Variants in MYLK observed in about 807,000 individuals in gnomAD.
MYLK encodes the protein myosin light chain kinase.
A neutral mutation model predicts 203.4 loss-of-function variants in MYLK; 106 were observed. That is an observed-to-expected ratio of 0.52 (90% CI 0.45 to 0.61). The LOEUF is 0.61. Among genes scored for constraint, MYLK ranks in the 20% least tolerant of loss-of-function variants. MYLK has a pLI of 0.00. For missense variants in MYLK, 2,072 were observed against 2,442.3 expected, an observed-to-expected ratio of 0.85 and a Z score of 3.20; for synonymous variants, 867 against 959.5, an observed-to-expected ratio of 0.90 and a Z score of 1.78.
At chr3:123,739,316 C>A (rs1038180234) in intron 6 of MYLK, among the ~76,000 whole-genome samples, 1 of 152,230 alleles carries the variant, frequency 6.6e-6, no homozygotes, top group South Asian at 2.1e-4. Flanking sequence ...GCCTGAATTC[C>A]ACTGAGCCCT....
At chr3:123,741,271 A>G (rs1386422720) in intron 5 of MYLK, among the ~76,000 whole-genome samples, 1 of 152,204 alleles carries the variant, frequency 6.6e-6, no homozygotes, top group Non-Finnish European at 1.5e-5. Flanking sequence ...ACCCGGTTTA[A>G]GATTCCACCA....
At chr3:123,818,395 C>G (rs1435096015) in intron 3 of MYLK, among the ~76,000 whole-genome samples, 1 of 152,128 alleles carries the variant, frequency 6.6e-6, no homozygotes, top group Non-Finnish European at 1.5e-5. Context: ...TGCTATGACT[C>G]TGAGGAATGA....
chr3:123,682,667 C>T (rs1361002496), intron 19 of MYLK, among the ~76,000 whole-genome samples: 5 of 152,216 alleles, frequency 3.3e-5, no homozygotes, highest in Non-Finnish European at 2.9e-5. Flanking sequence ...GGCCTTGTCT[C>T]CCTCATGCTA....
At chr3:123,663,723 T>C (rs2059642059) in intron 23 of MYLK, among the ~76,000 whole-genome samples, 1 of 152,032 alleles carries the variant, frequency 6.6e-6, no homozygotes, top group Admixed American at 6.5e-5. Context: ...GGAGTCAGGA[T>C]GGGGACAGAT....
chr3:123,629,479 ATCTT>A lies in MYLK; in HGVS notation c.5105_5108del (p.Lys1702IlefsTer2). On this transcript the variant is annotated frameshift_variant, in exon 30 of 34. Transcript: ENST00000360304. LOFTEE classifies it high-confidence loss of function. The surrounding 1 kb of genome is among the most constrained non-coding windows in gnomAD (Gnocchi z 4.4). ...CTGAAATCCCAACTCATTACTTCAT[ATCTT>A]TCTTCAGCAGATTGCTGATGAAATC... 6.2e-7 allele frequency: 1 copy of A among 1,614,130 alleles called. No individual in the cohort carries two copies. Among genetic ancestry groups the A allele is most frequent in the Non-Finnish European group, 8.5e-7 (1 of 1,180,006 alleles).
rs1473632768 is a variant in MYLK, at chr3:123,740,004, G to T, written c.374-3C>A. The T allele has an allele frequency of 1.2e-6, 2 of 1,613,800 alleles. No homozygotes were observed. The highest frequency in any genetic ancestry group is 1.7e-6 in the Non-Finnish European group (2 of 1,179,750). ...ACCAAGCTGCTTCGCAAAACTTCCTGCAAGAAAAAGAGTTGATGAGTCAGG... is the reference window on the plus strand; with the variant it reads ...ACCAAGCTGCTTCGCAAAACTTCCTTCAAGAAAAAGAGTTGATGAGTCAGG... On this transcript the variant is annotated splice_region_variant and splice_polypyrimidine_tract_variant and intron_variant, in intron 5 of 33. Coordinates refer to ENST00000360304, the MANE Select transcript of MYLK (RefSeq NM_053025.4).
intron 30 of MYLK, among the ~76,000 whole-genome samples, chr3:123,628,914 C>T (rs527977201): frequency 1.1e-4 from 16 of 152,336 alleles, no homozygotes; most frequent in Admixed American, 1.0e-3. Context: ...GGTCTGGGAT[C>T]ATAGCCTCCC....
At chr3:123,644,521 C>T (rs2058946065) in intron 27 of MYLK, 1 of 152,300 alleles carries the variant, frequency 6.6e-6, no homozygotes, top group African/African-American at 2.4e-5. Flanking sequence ...ACTCCCAATT[C>T]CAAGCTAAGT....
At chr3:123,618,994 T>A (rs2057685739) in intron 32 of MYLK, among the ~76,000 whole-genome samples, 1 of 152,054 alleles carries the variant, frequency 6.6e-6, no homozygotes, top group African/African-American at 2.4e-5. Flanking sequence ...AGGATCAGAC[T>A]CCCCCTTCCC....
intron 11 of MYLK, among the ~76,000 whole-genome samples, chr3:123,731,990 CTTTTT>C (rs59910858): frequency 1.4e-4 from 17 of 124,778 alleles, no homozygotes; most frequent in Non-Finnish European, 2.3e-4. Flanking sequence ...TATAGGTTGT[CTTTTT>C]TTTTTTTTTT....
rs1176314574 is a variant in MYLK at position 123,614,222 on chromosome 3, G to A, written c.5628C>T (p.Asp1876=). ...CAGCCTTGCAGGTGTACTTGGCATC[G>A]TCATCCCCGCAAACATCACTAATAA... is the stretch of plus-strand genomic sequence containing the variant. ...SLIISDVCGD[D]DAKYTCKAVN... is the part of the protein sequence containing the mutation. The change falls in exon 34 of 34, where the codon GAC becomes GAT. Residue 1876 remains aspartate, a synonymous_variant. Transcript: ENST00000360304. The A allele has an allele frequency of 5.6e-6, 9 of 1,613,782 alleles. No homozygotes were observed. Among genetic ancestry groups the A allele is most frequent in the Middle Eastern group, 1.6e-4 (1 of 6,084 alleles).
At chr3:123,685,962 T>C (rs1396339039) in intron 19 of MYLK, among the ~76,000 whole-genome samples, 1 of 152,132 alleles carries the variant, frequency 6.6e-6, no homozygotes, top group Non-Finnish European at 1.5e-5. Flanking sequence ...CCACTTGAAG[T>C]GTCAGCACGG....
intron 3 of MYLK, among the ~76,000 whole-genome samples, chr3:123,818,656 C>T (rs2065824866): frequency 1.3e-5 from 2 of 152,140 alleles, no homozygotes; most frequent in Non-Finnish European, 2.9e-5. Flanking sequence ...CACCTCTGCA[C>T]TCCAGCCTGA....
intron 4 of MYLK, among the ~76,000 whole-genome samples, chr3:123,767,688 C>G (rs2063750273): frequency 6.6e-6 from 1 of 152,200 alleles, no homozygotes; most frequent in Non-Finnish European, 1.5e-5. Context: ...GCACGTTAGC[C>G]ATAGTGACCT....
rs2057344857 is a variant in MYLK, at chr3:123,614,329, C to G, written c.5521G>C (p.Val1841Leu). Residue 1841 changes from valine (V) to leucine (L), a missense_variant, in exon 34 of 34, where the codon GTC (valine) becomes CTC (leucine). By Grantham distance (32) the Val-to-Leu change is conservative. Coordinates refer to ENST00000360304, the MANE Select transcript of MYLK (RefSeq NM_053025.4). ...ATTGACTGGTCATCTTTGAACCAGA[C>G]AACCTCGGGGTCTGGGTATCCTGCA... The part of the protein sequence containing the change: ...KIEGYPDPEV[V>L]WFKDDQSIRE... The G allele has an allele frequency of 1.9e-6, 3 of 1,614,052 alleles. No individual in the cohort carries two copies. Among genetic ancestry groups the G allele is most frequent in the Middle Eastern group, 3.3e-4 (2 of 6,084 alleles).
intron 3 of MYLK, among the ~76,000 whole-genome samples, chr3:123,817,634 T>C (rs751915975): frequency 2.0e-5 from 3 of 152,054 alleles, no homozygotes; most frequent in African/African-American, 4.8e-5. Context: ...TCTTATTCTG[T>C]CCCAAACTGG....
rs140825178 is a variant in MYLK, at chr3:123,835,385, C to T, written c.-126-3715G>A. Reference sequence around the variant, plus strand: ...GTAGAGTTTCTATTAGGCTCAGAGACGGAGGGGAATATTTGAATATGTCTG... The same window carrying T: ...GTAGAGTTTCTATTAGGCTCAGAGATGGAGGGGAATATTTGAATATGTCTG... On this transcript the variant is annotated intron_variant, in intron 2 of 33. Coordinates refer to ENST00000360304, the MANE Select transcript of MYLK (RefSeq NM_053025.4). 4.6e-4 allele frequency among the ~76,000 whole-genome samples: 70 copies of T among 152,034 alleles called. 1 individual carries two copies. Among genetic ancestry groups the T allele is most frequent in the African/African-American group, 1.6e-3 (66 of 41,464 alleles).
chr3:123,672,977 G>A lies in MYLK; in HGVS notation c.3653-5790C>T, dbSNP rs192124023. Among the ~76,000 whole-genome samples, 416 of 152,158 alleles carry A rather than the reference G, an allele frequency of 2.7e-3. 1 individual carries two copies. Among genetic ancestry groups the A allele is most frequent in the African/African-American group, 9.9e-3 (409 of 41,516 alleles). On this transcript the variant is annotated intron_variant, in intron 20 of 33. Transcript: ENST00000360304. ...ATAATGTTTCCATTTTATGAAAAAGGAGATGGCATCTCATAAAAGTCTGGT... is the reference window on the plus strand; with the variant it reads ...ATAATGTTTCCATTTTATGAAAAAGAAGATGGCATCTCATAAAAGTCTGGT...
intron 2 of MYLK, among the ~76,000 whole-genome samples, chr3:123,874,535 G>T (rs1046849161): frequency 2.6e-5 from 4 of 152,108 alleles, no homozygotes; most frequent in African/African-American, 9.7e-5. Flanking sequence ...AAAACGTCTT[G>T]AAGAAAGCAC....
Sources: allele counts gnomAD v4.1 joint callset (sites outside exome capture counted in the v4.1 genomes callset), GRCh38; gene constraint gnomAD v4.1.1; non-coding constraint Gnocchi (gnomAD v3.1); transcripts MANE v1.5; gene names NCBI Gene and HGNC (gene_info 2026-07-23, HGNC 2026-07-21).